The following ATL1 variants were observed in gnomAD, a reference collection of about 807,000 sequenced individuals.
ATL1 encodes the protein atlastin GTPase 1.
ATL1 carries 31 observed loss-of-function variants against 75.5 expected under a neutral mutation model. The observed-to-expected ratio is 0.41, with a 90% CI of 0.31 to 0.55. The LOEUF (loss-of-function observed/expected upper bound fraction) is 0.55, where lower values mean the gene tolerates loss of function less well. Among genes scored for constraint, ATL1 ranks in the 20% least tolerant of loss-of-function variants. The pLI is 0.27. For missense variants in ATL1, 405 were observed against 662.6 expected, an observed-to-expected ratio of 0.61 and a Z score of 4.27; for synonymous variants, 226 against 233.3, an observed-to-expected ratio of 0.97 and a Z score of 0.28.
At chr14:50,551,930 C>T (rs965729202) in intron 1 of ATL1, among the ~76,000 whole-genome samples, 1 of 152,160 alleles carries the variant, frequency 6.6e-6, no homozygotes, top group Admixed American at 6.5e-5. Flanking sequence ...AATTTGAAAG[C>T]ATTCCCCCAG....
intron 6 of ATL1, among the ~76,000 whole-genome samples, chr14:50,596,113 T>C (rs988081613): frequency 6.6e-6 from 1 of 152,138 alleles, no homozygotes; most frequent in Non-Finnish European, 1.5e-5. Context: ...AGACTTCAAG[T>C]CTATAAGAAT....
chr14:50,580,181 T>C (rs1462418182), intron 1 of ATL1, among the ~76,000 whole-genome samples: 1 of 152,194 alleles, frequency 6.6e-6, no homozygotes, highest in East Asian at 1.9e-4. Context: ...ATCCATTCCC[T>C]AGTTAATGGA....
At chr14:50,582,685 C>T (rs528759552) in intron 1 of ATL1, among the ~76,000 whole-genome samples, 1 of 151,848 alleles carries the variant, frequency 6.6e-6, no homozygotes, top group Admixed American at 6.6e-5. Context: ...CTCGGCCTCC[C>T]AAAGTGCTGG....
At chr14:50,549,987 G>A (rs2038681449) in intron 1 of ATL1, among the ~76,000 whole-genome samples, 1 of 152,224 alleles carries the variant, frequency 6.6e-6, no homozygotes. Flanking sequence ...GCCATACTGT[G>A]CTCCTAAGAA....
intron 4 of ATL1, among the ~76,000 whole-genome samples, chr14:50,592,929 A>ATATAT (rs1555364083): frequency 2.2e-4 from 25 of 113,878 alleles, no homozygotes; most frequent in East Asian, 1.6e-3. Flanking sequence ...AAAAAAAAAA[A>ATATAT]ATATATATAT....
At chr14:50,536,177 G>T (rs1365433912) in intron 1 of ATL1, among the ~76,000 whole-genome samples, 1 of 152,228 alleles carries the variant, frequency 6.6e-6, no homozygotes, top group Non-Finnish European at 1.5e-5. Context: ...TGGCGCCATG[G>T]CCCATGCCTG....
chr14:50,627,881 G>T (rs1012968010), intron 11 of ATL1, 150 bp from the exon 12 acceptor site: 3 of 713,988 alleles, frequency 4.2e-6, no homozygotes, highest in East Asian at 2.7e-5. Flanking sequence ...CGTGGATAGG[G>T]GGTGGAAAGA....
chr14:50,567,286 A>C (rs1449120989), intron 1 of ATL1, among the ~76,000 whole-genome samples: 1 of 152,132 alleles, frequency 6.6e-6, no homozygotes, highest in African/African-American at 2.4e-5. Context: ...ATTGTAGAAT[A>C]TATCACAACT....
chr14:50,615,982 C>A (rs1401783815), intron 8 of ATL1, among the ~76,000 whole-genome samples: 1 of 152,060 alleles, frequency 6.6e-6, no homozygotes, highest in South Asian at 2.1e-4. Context: ...AATGCAGAAT[C>A]CTACTTATTA....
intron 1 of ATL1, among the ~76,000 whole-genome samples, chr14:50,553,392 C>T (rs527817559): frequency 4.4e-4 from 66 of 151,424 alleles, no homozygotes; most frequent in Non-Finnish European, 8.1e-4. Context: ...AAATCAAAAC[C>T]ACAATGAGAT....
At chr14:50,540,999 A>T (rs2038553848) in intron 1 of ATL1, among the ~76,000 whole-genome samples, 1 of 152,250 alleles carries the variant, frequency 6.6e-6, no homozygotes, top group African/African-American at 2.4e-5. Context: ...TCAAATGTTG[A>T]TGCTAGTCAT....
intron 6 of ATL1, among the ~76,000 whole-genome samples, chr14:50,601,086 CAACAGAG>C (rs2039267906): frequency 6.6e-6 from 1 of 151,970 alleles, no homozygotes; most frequent in Non-Finnish European, 1.5e-5. Flanking sequence ...CCAGCCTGGG[CAACAGAG>C]TGAGACCGTA....
chr14:50,570,932 G>T (rs2140185067), intron 1 of ATL1, among the ~76,000 whole-genome samples: 1 of 152,320 alleles, frequency 6.6e-6, no homozygotes, highest in South Asian at 2.1e-4. Context: ...GTAAACTTAA[G>T]ATCTTCACGG....
chr14:50,621,888 T>C lies in ATL1; in HGVS notation c.1036T>C (p.Ser346Pro). ...AGGTGAAGAATTACCACATCCCAAATCCATGTTACAGGTATTTATTAATGA... is the reference window on the plus strand; with the variant it reads ...AGGTGAAGAATTACCACATCCCAAACCCATGTTACAGGTATTTATTAATGA... Reference protein sequence around the residue: ...YQGEELPHPKSMLQATAEANN... With the variant: ...YQGEELPHPKPMLQATAEANN... Residue 346 changes from serine (S) to proline (P), a missense_variant, in exon 10 of 14, where the codon TCC becomes CCC. Ser to Pro is a moderately conservative substitution (Grantham distance 74). Around this residue, in one of 5 missense-constraint regions of ATL1, gnomAD observed 1 missense variants for 18.5 expected, o/e 0.05. Coordinates refer to ENST00000358385, the MANE Select transcript of ATL1 (RefSeq NM_015915.5). 6.3e-7 allele frequency: 1 copy of C among 1,598,602 alleles called. No homozygotes were observed. Among genetic ancestry groups the C allele is most frequent in the Non-Finnish European group, 8.6e-7 (1 of 1,166,670 alleles).
chr14:50,599,196 C>T (rs996413659), intron 6 of ATL1, among the ~76,000 whole-genome samples: 1 of 152,068 alleles, frequency 6.6e-6, no homozygotes, highest in African/African-American at 2.4e-5. Flanking sequence ...GATTACTAAG[C>T]AGAACATACA....
chr14:50,601,116 A>C (rs1254062510), intron 6 of ATL1, among the ~76,000 whole-genome samples: 1 of 152,184 alleles, frequency 6.6e-6, no homozygotes, highest in African/African-American at 2.4e-5. Context: ...TCAAAAAATA[A>C]ATAAATAGAC....
At chr14:50,614,145 T>G (rs997609838) in intron 7 of ATL1, among the ~76,000 whole-genome samples, 8 of 152,226 alleles carry the variant, frequency 5.3e-5, no homozygotes, top group African/African-American at 1.9e-4. Flanking sequence ...TGAGTTAGCA[T>G]AAGGGTAGAC....
Position 50,620,737 on chromosome 14 carries a change from C to T in ATL1, c.990+11C>T, listed in dbSNP as rs750229341. The T allele has an allele frequency of 6.7e-5, 108 of 1,612,542 alleles. 1 individual carries two copies. The Middle Eastern group carries it at 3.8e-3, about 57-fold the overall frequency. ...GTGGAGTACTTCAAGGTATCACTCT[C>T]ATTTCTAGAGCATTCGTGGGATAGA... On this transcript the variant is annotated intron_variant, in intron 9 of 13. Transcript: ENST00000358385.
chr14:50,598,291 A>C (rs1467446729), intron 6 of ATL1, among the ~76,000 whole-genome samples: 1 of 152,082 alleles, frequency 6.6e-6, no homozygotes, highest in Non-Finnish European at 1.5e-5. Flanking sequence ...ATTTTTGTAT[A>C]TTTTCTACAA....
Sources: gnomAD v4.1 joint callset for allele counts (sites outside exome capture counted in the v4.1 genomes callset) on GRCh38, gnomAD v4.1.1 for gene constraint, gnomAD v4.1.1 regional missense constraint, MANE v1.5 for transcripts, NCBI Gene and HGNC (gene_info 2026-07-23, HGNC 2026-07-21) for gene names.